Variants in GUCY1A2 observed in about 807,000 individuals in gnomAD.
GUCY1A2 encodes guanylate cyclase soluble subunit alpha-2.
GUCY1A2 carries 27 observed loss-of-function variants against 63.5 expected under a neutral mutation model. The observed-to-expected ratio is 0.43, with a 90% CI of 0.31 to 0.59. The LOEUF (loss-of-function observed/expected upper bound fraction) is 0.59. GUCY1A2 is among the 20% of genes least tolerant of loss of function. GUCY1A2 has a pLI of 0.11. For synonymous variants in GUCY1A2, 364 were observed against 343.5 expected, an observed-to-expected ratio of 1.06 and a Z score of -0.66; for missense variants, 768 against 913.3, an observed-to-expected ratio of 0.84 and a Z score of 2.05.
chr11:106,865,269 C>T (rs374558430), intron 4 of GUCY1A2, among the ~76,000 whole-genome samples: 7 of 151,624 alleles, frequency 4.6e-5, no homozygotes, highest in Admixed American at 1.3e-4. Context: ...TTATTGTGTC[C>T]GATTCTTCTC....
chr11:106,722,969 A>G (rs1863343235), intron 6 of GUCY1A2, among the ~76,000 whole-genome samples: 1 of 152,230 alleles, frequency 6.6e-6, no homozygotes, highest in Non-Finnish European at 1.5e-5. Flanking sequence ...CTTCAATAGC[A>G]AATGAATTTA....
intron 1 of GUCY1A2, among the ~76,000 whole-genome samples, chr11:107,014,357 G>A (rs897234651): frequency 1.3e-5 from 2 of 152,034 alleles, no homozygotes; most frequent in East Asian, 3.9e-4. Flanking sequence ...AAAGTGCTGG[G>A]ATTACAGGCA....
chr11:107,005,627 GT>G (rs1160748419), intron 1 of GUCY1A2, among the ~76,000 whole-genome samples: 1 of 152,126 alleles, frequency 6.6e-6, no homozygotes, highest in Non-Finnish European at 1.5e-5. Context: ...TCATTCATGT[GT>G]TTAAAGTATA....
At chr11:106,768,356 A>C (rs1313870555) in intron 6 of GUCY1A2, among the ~76,000 whole-genome samples, 1 of 152,152 alleles carries the variant, frequency 6.6e-6, no homozygotes, top group Non-Finnish European at 1.5e-5. Flanking sequence ...AATACCTTTA[A>C]AATAGAGAAC....
At chr11:106,837,021 G>A (rs766063612) in intron 4 of GUCY1A2, among the ~76,000 whole-genome samples, 6 of 151,752 alleles carry the variant, frequency 4.0e-5, no homozygotes, top group Non-Finnish European at 5.9e-5. Context: ...TGGTTCAGGG[G>A]TACATGTGTA....
chr11:106,842,976 T>C (rs984665470), intron 4 of GUCY1A2, among the ~76,000 whole-genome samples: 1 of 152,062 alleles, frequency 6.6e-6, no homozygotes, highest in African/African-American at 2.4e-5. Context: ...TCCTGCATCT[T>C]TGCCTTCATC....
In GUCY1A2 at chr11:106,763,342, G is replaced by A. The variant is rs558002425; in HGVS notation, c.1836+13097C>T. On this transcript the variant is annotated intron_variant, in intron 6 of 7. Coordinates refer to ENST00000526355, the MANE Select transcript of GUCY1A2 (RefSeq NM_000855.3). Reference sequence around the variant, plus strand: ...AGACTGAGGGGTCCCGAGAGTGGGGGGCAGTGAGAGATGGGTGAGACCAAT... The same window carrying A: ...AGACTGAGGGGTCCCGAGAGTGGGGAGCAGTGAGAGATGGGTGAGACCAAT... Among the ~76,000 whole-genome samples the A allele has an allele frequency of 5.9e-5, 9 of 152,022 alleles. No individual in the cohort carries two copies. The East Asian group carries it at 1.7e-3, about 29-fold the overall frequency.
intron 6 of GUCY1A2, among the ~76,000 whole-genome samples, chr11:106,709,485 T>TAAG (rs1863008493): frequency 3.6e-5 from 2 of 55,346 alleles, no homozygotes; most frequent in Non-Finnish European, 5.6e-5. Flanking sequence ...TTATTATATA[T>TAAG]TTATATATAT....
intron 3 of GUCY1A2, among the ~76,000 whole-genome samples, chr11:106,949,179 C>T (rs1031544903): frequency 1.7e-4 from 26 of 151,772 alleles, no homozygotes; most frequent in Non-Finnish European, 1.2e-4. Flanking sequence ...TTGTTTTAGG[C>T]CACCATGATC....
intron 6 of GUCY1A2, among the ~76,000 whole-genome samples, chr11:106,758,466 C>T (rs1407318408): frequency 6.6e-6 from 1 of 152,164 alleles, no homozygotes; most frequent in East Asian, 1.9e-4. Flanking sequence ...TGAAGCAACG[C>T]CACACACTGC....
chr11:106,781,597 C>T lies in GUCY1A2; in HGVS notation c.1693-5015G>A, dbSNP rs573804384. Among the ~76,000 whole-genome samples, 24 of 152,228 alleles carry T rather than the reference C, an allele frequency of 1.6e-4. No individual in the cohort carries two copies. The East Asian group carries it at 4.3e-3, about 27-fold the overall frequency. The stretch of plus-strand genomic sequence containing the variant: ...TGTTTTTTTAAGACAGGGTCTCACT[C>T]TGCCTACTTAGACTGGAGTACGGTG... On this transcript the variant is annotated intron_variant, in intron 5 of 7. Coordinates refer to ENST00000526355, the MANE Select transcript of GUCY1A2 (RefSeq NM_000855.3).
intron 4 of GUCY1A2, among the ~76,000 whole-genome samples, chr11:106,906,288 C>A (rs1242581197): frequency 6.6e-6 from 1 of 152,132 alleles, no homozygotes; most frequent in Non-Finnish European, 1.5e-5. Flanking sequence ...ACGATATGAA[C>A]AGACACTTCT....
At chr11:106,875,470 G>A (rs901689907) in intron 4 of GUCY1A2, among the ~76,000 whole-genome samples, 1 of 152,118 alleles carries the variant, frequency 6.6e-6, no homozygotes, top group African/African-American at 2.4e-5. Context: ...TTTAAATCAT[G>A]GTTGGATCCA....
At position 106,918,572 on chromosome 11, in the gene GUCY1A2, TAC is replaced by T. The variant is rs919108915; in HGVS notation, c.1206+20886_1206+20887del. Among the ~76,000 whole-genome samples, 3 of 145,052 alleles carry T rather than the reference TAC, an allele frequency of 2.1e-5. 1 individual carries two copies. The highest frequency in any genetic ancestry group is 4.6e-5 in the Non-Finnish European group (3 of 64,606). On this transcript the variant is annotated intron_variant, in intron 4 of 7. Coordinates refer to ENST00000526355, the MANE Select transcript of GUCY1A2 (RefSeq NM_000855.3). ...GTGCACACACATCACACATAGACAT[TAC>T]ACACACAGAGACATTACACATGTCA...
At chr11:106,747,251 G>A (rs1004699356) in intron 6 of GUCY1A2, among the ~76,000 whole-genome samples, 2 of 152,198 alleles carry the variant, frequency 1.3e-5, no homozygotes, top group Non-Finnish European at 2.9e-5. Flanking sequence ...GCCTGCCAAA[G>A]TGCTGGGATT....
At chr11:106,957,512 G>A (rs1375877799) in intron 3 of GUCY1A2, among the ~76,000 whole-genome samples, 4 of 151,888 alleles carry the variant, frequency 2.6e-5, no homozygotes, top group Admixed American at 2.6e-4. Context: ...ACTCACCACC[G>A]CCTCCTTTGG....
At chr11:106,733,788 A>C (rs2135373471) in intron 6 of GUCY1A2, among the ~76,000 whole-genome samples, 1 of 152,252 alleles carries the variant, frequency 6.6e-6, no homozygotes, top group East Asian at 1.9e-4. Context: ...AGACTGAGGA[A>C]GCAGGCCAGG....
chr11:106,843,873 C>T (rs918920115), intron 4 of GUCY1A2, among the ~76,000 whole-genome samples: 1 of 151,792 alleles, frequency 6.6e-6, no homozygotes, highest in East Asian at 1.9e-4. Flanking sequence ...AGAAAAATCT[C>T]CTATTTATTA....
intron 4 of GUCY1A2, among the ~76,000 whole-genome samples, chr11:106,883,879 T>C (rs553030568): frequency 2.2e-4 from 34 of 152,116 alleles, no homozygotes; most frequent in Non-Finnish European, 4.7e-4. Context: ...GATGAGTTCA[T>C]GTCCTTTGTA....
Sources: allele counts gnomAD v4.1 joint callset (sites outside exome capture counted in the v4.1 genomes callset), GRCh38; gene constraint gnomAD v4.1.1; transcripts MANE v1.5; gene names NCBI Gene and HGNC (gene_info 2026-07-23, HGNC 2026-07-21).